The following NR3C2 variants were observed in gnomAD, a reference collection of about 807,000 sequenced individuals.
NR3C2 encodes the protein nuclear receptor subfamily 3 group C member 2, also known as mineralocorticoid receptor.
NR3C2 carries 15 observed loss-of-function variants against 86.4 expected under a neutral mutation model. The observed-to-expected ratio is 0.17, with a 90% CI of 0.12 to 0.27. NR3C2 has a LOEUF of 0.27. Ranked by LOEUF, NR3C2 falls within the 10% of genes least tolerant of loss-of-function variation. NR3C2 has a pLI of 1.00. For missense variants in NR3C2, 960 were observed against 1,195.6 expected, an observed-to-expected ratio of 0.80 and a Z score of 2.91; for synonymous variants, 458 against 450.5, an observed-to-expected ratio of 1.02 and a Z score of -0.21.
At chr4:148,113,056 C>T (rs1226708925) in intron 8 of NR3C2, among the ~76,000 whole-genome samples, 1 of 152,134 alleles carries the variant, frequency 6.6e-6, no homozygotes, top group Non-Finnish European at 1.5e-5. Context: ...GGAGAAGCTG[C>T]TTGCAAAATA....
chr4:148,309,056 A>T lies in NR3C2; in HGVS notation c.1758-48939T>A, dbSNP rs28408757. ...TTGAATGTTTTCAATACAAAAAAAAAAGTTTGAGATGATGGATATAATTAC... is the reference window on the plus strand; with the variant it reads ...TTGAATGTTTTCAATACAAAAAAAATAGTTTGAGATGATGGATATAATTAC... On this transcript the variant is annotated intron_variant, in intron 2 of 8. Transcript: ENST00000358102. Among the ~76,000 whole-genome samples the T allele has an allele frequency of 6.3e-3, 961 of 152,268 alleles. 7 individuals carry two copies. The highest frequency in any genetic ancestry group is 0.022 in the African/African-American group (932 of 41,548).
intron 3 of NR3C2, among the ~76,000 whole-genome samples, chr4:148,237,993 T>G (rs1738829483): frequency 6.6e-6 from 1 of 152,116 alleles, no homozygotes; most frequent in Admixed American, 6.5e-5. Flanking sequence ...CAATATAGCT[T>G]TTCAACTAAT....
intron 2 of NR3C2, among the ~76,000 whole-genome samples, chr4:148,357,754 T>C (rs1745621255): frequency 6.6e-6 from 1 of 152,202 alleles, no homozygotes; most frequent in African/African-American, 2.4e-5. Flanking sequence ...CTCCATTATA[T>C]CTTTTCCTTT....
At chr4:148,383,227 T>C (rs1232589163) in intron 2 of NR3C2, among the ~76,000 whole-genome samples, 1 of 152,194 alleles carries the variant, frequency 6.6e-6, no homozygotes, top group African/African-American at 2.4e-5. Flanking sequence ...CAATTTTGAA[T>C]GATTTTTTAG....
chr4:148,249,589 C>G (rs926871384), intron 3 of NR3C2, among the ~76,000 whole-genome samples: 2 of 152,084 alleles, frequency 1.3e-5, no homozygotes, highest in African/African-American at 4.8e-5. Flanking sequence ...TGTCGAATGT[C>G]GGTGATTTAA....
chr4:148,216,283 C>T (rs992609393), intron 3 of NR3C2, among the ~76,000 whole-genome samples: 7 of 152,054 alleles, frequency 4.6e-5, no homozygotes, highest in African/African-American at 1.4e-4. Context: ...CAGATCTGGT[C>T]CCTGATCTAG....
chr4:148,272,268 C>G (rs1214662070), intron 2 of NR3C2, among the ~76,000 whole-genome samples: 1 of 152,120 alleles, frequency 6.6e-6, no homozygotes, highest in Non-Finnish European at 1.5e-5. Context: ...CTCACTCTTA[C>G]AAAAATGTAT....
At chr4:148,412,633 T>C (rs1388002002) in intron 2 of NR3C2, among the ~76,000 whole-genome samples, 1 of 152,236 alleles carries the variant, frequency 6.6e-6, no homozygotes, top group African/African-American at 2.4e-5. Flanking sequence ...AGTCTTATAA[T>C]GGCAACTTGA....
chr4:148,104,551 T>A (rs1293277013), intron 8 of NR3C2, among the ~76,000 whole-genome samples: 2 of 152,322 alleles, frequency 1.3e-5, no homozygotes, highest in East Asian at 3.9e-4. Flanking sequence ...AGAGAGAATG[T>A]GGCTTTGAAT....
At chr4:148,219,544 T>C (rs1737722152) in intron 3 of NR3C2, among the ~76,000 whole-genome samples, 1 of 152,224 alleles carries the variant, frequency 6.6e-6, no homozygotes, top group Admixed American at 6.5e-5. Flanking sequence ...TTCATTCTCA[T>C]GCTTTTATGA....
chr4:148,247,237 T>G (rs1242310581), intron 3 of NR3C2, among the ~76,000 whole-genome samples: 1 of 152,200 alleles, frequency 6.6e-6, no homozygotes, highest in African/African-American at 2.4e-5. Flanking sequence ...GCAATAATTT[T>G]CTGGTTTTAC....
chr4:148,240,449 A>G (rs973998449), intron 3 of NR3C2, among the ~76,000 whole-genome samples: 1 of 151,946 alleles, frequency 6.6e-6, no homozygotes, highest in African/African-American at 2.4e-5. Context: ...CACCCGCCTT[A>G]TATCATAAGG....
intron 2 of NR3C2, among the ~76,000 whole-genome samples, chr4:148,402,126 T>C (rs1748199676): frequency 6.6e-6 from 1 of 152,202 alleles, no homozygotes; most frequent in African/African-American, 2.4e-5. Context: ...TACAGGTTTT[T>C]AATCTTAGCC....
intron 6 of NR3C2, 111 bp from the exon 7 acceptor site, chr4:148,120,399 T>C: frequency 7.7e-7 from 1 of 1,296,024 alleles, no homozygotes; most frequent in Non-Finnish European, 1.1e-6. Flanking sequence ...TCCTTTTGGC[T>C]TCAACATGGA....
At chr4:148,191,254 T>A (rs1020805726) in intron 4 of NR3C2, among the ~76,000 whole-genome samples, 1 of 152,206 alleles carries the variant, frequency 6.6e-6, no homozygotes, top group Non-Finnish European at 1.5e-5. Context: ...TTAGTTTCAC[T>A]GGATACAAAA....
At chr4:148,294,590 C>T (rs367840131) in intron 2 of NR3C2, among the ~76,000 whole-genome samples, 2 of 151,872 alleles carry the variant, frequency 1.3e-5, no homozygotes, top group East Asian at 1.9e-4. Flanking sequence ...AGTACCTCAA[C>T]TGCAGATAAA....
chr4:148,230,528 G>A (rs548019435), intron 3 of NR3C2, among the ~76,000 whole-genome samples: 1 of 152,268 alleles, frequency 6.6e-6, no homozygotes, highest in Admixed American at 6.5e-5. Flanking sequence ...CTCTTCTCTT[G>A]TATTAGCCAA....
intron 2 of NR3C2, among the ~76,000 whole-genome samples, chr4:148,408,782 C>T (rs1748545705): frequency 2.0e-5 from 3 of 152,112 alleles, no homozygotes; most frequent in African/African-American, 2.4e-5. Flanking sequence ...TGTATTTCAT[C>T]TAATTGATCT....
intron 8 of NR3C2, among the ~76,000 whole-genome samples, chr4:148,100,074 G>C (rs372428470): frequency 8.5e-5 from 13 of 152,194 alleles, no homozygotes; most frequent in Admixed American, 4.6e-4. Flanking sequence ...ATGTTCTATG[G>C]GTTTGTAACC....
Sources: gnomAD v4.1 joint callset for allele counts (sites outside exome capture counted in the v4.1 genomes callset) on GRCh38, gnomAD v4.1.1 for gene constraint, MANE v1.5 for transcripts, NCBI Gene and HGNC (gene_info 2026-07-23, HGNC 2026-07-21) for gene names.